The following PTPRD variants were observed in gnomAD, a reference collection of about 807,000 sequenced individuals.
The protein encoded by PTPRD is protein tyrosine phosphatase receptor type D.
In PTPRD, 34 loss-of-function variants were observed where a neutral mutation model predicts 214.5. The ratio of observed to expected loss-of-function variants is 0.16; its 90% CI spans 0.12 to 0.21. The LOEUF is 0.21. Ranked by LOEUF, PTPRD falls within the 10% of genes least tolerant of loss-of-function variation. The pLI is 1.00. For synonymous variants in PTPRD, 1,128 were observed against 845.7 expected, an observed-to-expected ratio of 1.33 and a Z score of -5.79; for missense variants, 2,545 against 2,398.7, an observed-to-expected ratio of 1.06 and a Z score of -1.27.
chr9:10,302,140 C>T (rs1452581506), intron 3 of PTPRD, among the ~76,000 whole-genome samples: 2 of 152,068 alleles, frequency 1.3e-5, no homozygotes, highest in South Asian at 2.1e-4. Context: ...GAATTTTCAA[C>T]CCAGAATTTC....
intron 43 of PTPRD, among the ~76,000 whole-genome samples, chr9:8,335,028 C>T (rs1845209052): frequency 6.6e-6 from 1 of 152,016 alleles, no homozygotes; most frequent in East Asian, 1.9e-4. Context: ...AATAGCCTAG[C>T]AACCAAAAAA....
intron 39 of PTPRD, among the ~76,000 whole-genome samples, chr9:8,356,949 T>C (rs1188732066): frequency 6.6e-6 from 1 of 152,184 alleles, no homozygotes; most frequent in Non-Finnish European, 1.5e-5. Flanking sequence ...CTAAAATATA[T>C]AGATGATGAG....
At chr9:9,536,205 T>C (rs1364730310) in intron 8 of PTPRD, among the ~76,000 whole-genome samples, 1 of 152,026 alleles carries the variant, frequency 6.6e-6, no homozygotes, top group East Asian at 1.9e-4. Flanking sequence ...CATATTTTTG[T>C]ATGTATCTCT....
chr9:9,639,410 T>C (rs1226116162), intron 7 of PTPRD, among the ~76,000 whole-genome samples: 3 of 152,214 alleles, frequency 2.0e-5, no homozygotes, highest in African/African-American at 7.2e-5. Context: ...AGCTTTGGAT[T>C]ATTCTTATTA....
intron 37 of PTPRD, among the ~76,000 whole-genome samples, chr9:8,380,838 C>A (rs556071386): frequency 2.0e-5 from 3 of 152,000 alleles, no homozygotes; most frequent in African/African-American, 7.3e-5. Flanking sequence ...ACTTAATGAG[C>A]GGTAGCCAAC....
At chr9:9,304,875 T>A (rs925799776) in intron 9 of PTPRD, among the ~76,000 whole-genome samples, 40 of 150,330 alleles carry the variant, frequency 2.7e-4, no homozygotes, top group Non-Finnish European at 8.9e-5. Flanking sequence ...CCCTTCTCAA[T>A]AATCTCTCCA....
intron 10 of PTPRD, among the ~76,000 whole-genome samples, chr9:9,127,226 A>T (rs1319014874): frequency 2.0e-5 from 3 of 152,182 alleles, no homozygotes; most frequent in Non-Finnish European, 4.4e-5. Context: ...ATCCACACCA[A>T]CATGGGGAAA....
At chr9:10,397,313 T>G (rs774906514) in intron 2 of PTPRD, among the ~76,000 whole-genome samples, 1 of 152,032 alleles carries the variant, frequency 6.6e-6, no homozygotes, top group Non-Finnish European at 1.5e-5. Context: ...CCGTCAGACA[T>G]TTGTTGTGTC....
intron 39 of PTPRD, among the ~76,000 whole-genome samples, chr9:8,373,332 A>C (rs925615405): frequency 1.3e-5 from 2 of 152,026 alleles, no homozygotes; most frequent in African/African-American, 2.4e-5. Flanking sequence ...AAAACTTCTT[A>C]CCAGACATGT....
At chr9:9,576,395 C>T (rs956631798) in intron 7 of PTPRD, among the ~76,000 whole-genome samples, 6 of 152,102 alleles carry the variant, frequency 3.9e-5, no homozygotes, top group Non-Finnish European at 5.9e-5. Flanking sequence ...TTCCAGTAGA[C>T]CTCCCGGGCT....
At chr9:9,545,986 C>T (rs146948223) in intron 8 of PTPRD, among the ~76,000 whole-genome samples, 19 of 151,810 alleles carry the variant, frequency 1.3e-4, no homozygotes, top group African/African-American at 4.3e-4. Flanking sequence ...CAGTTTCTCA[C>T]ATAGATCTTG....
chr9:10,159,399 A>C (rs2099113524), intron 3 of PTPRD, among the ~76,000 whole-genome samples: 1 of 152,112 alleles, frequency 6.6e-6, no homozygotes, highest in South Asian at 2.1e-4. Context: ...GTCAGGAAAA[A>C]AAAAGCCAGG....
At position 10,293,668 on chromosome 9, in the gene PTPRD, G is replaced by A. The variant is rs1285268317; in HGVS notation, c.-545+47295C>T. ...CCCCTTTCTCCCCATGATGGCAAAAGCTTAAATTATACATCCATTTTCCAA... is the reference window on the plus strand; with the variant it reads ...CCCCTTTCTCCCCATGATGGCAAAAACTTAAATTATACATCCATTTTCCAA... On this transcript the variant is annotated intron_variant, in intron 3 of 45. Coordinates refer to ENST00000381196, the MANE Select transcript of PTPRD (RefSeq NM_002839.4). 1.3e-5 allele frequency among the ~76,000 whole-genome samples: 2 copies of A among 151,870 alleles called. 1 individual carries two copies. The highest frequency in any genetic ancestry group is 4.2e-4 in the South Asian group (2 of 4,818).
chr9:8,967,984 A>C (rs1362388482), intron 11 of PTPRD, among the ~76,000 whole-genome samples: 2 of 151,680 alleles, frequency 1.3e-5, no homozygotes, highest in Non-Finnish European at 2.9e-5. Flanking sequence ...ATTCCTACCT[A>C]TGAGTGAGAA....
chr9:9,866,057 C>G (rs1239567782), intron 5 of PTPRD, among the ~76,000 whole-genome samples: 1 of 152,144 alleles, frequency 6.6e-6, no homozygotes, highest in African/African-American at 2.4e-5. Context: ...TACATATGCA[C>G]TTATAAACAC....
intron 41 of PTPRD, 104 bp downstream of exon 41, chr9:8,340,986 G>T: frequency 1.7e-6 from 2 of 1,211,344 alleles, no homozygotes; most frequent in Non-Finnish European, 2.3e-6. Context: ...GACCTATGCA[G>T]AAAGAAAATG....
At chr9:8,983,805 C>G (rs912918518) in intron 11 of PTPRD, among the ~76,000 whole-genome samples, 1 of 152,002 alleles carries the variant, frequency 6.6e-6, no homozygotes, top group South Asian at 2.1e-4. Flanking sequence ...GCATGAGTGC[C>G]CAGCCAATTT....
chr9:9,787,187 C>T (rs1219858670), intron 5 of PTPRD, among the ~76,000 whole-genome samples: 2 of 150,914 alleles, frequency 1.3e-5, no homozygotes, highest in African/African-American at 4.9e-5. Flanking sequence ...AATTTTATTT[C>T]TCATTTAACT....
In PTPRD at chr9:9,458,425, A is replaced by G. The variant is rs190785407; in HGVS notation, c.-236-60943T>C. Among the ~76,000 whole-genome samples the G allele has an allele frequency of 3.3e-3, 506 of 152,150 alleles. 3 individuals are homozygous for G. Among genetic ancestry groups the G allele is most frequent in the African/African-American group, 0.01 (436 of 41,534 alleles). Reference sequence around the variant, plus strand: ...CAAAAAAAAATTGTAAATGGTTTTGATAGGTTGATTTAAGATTTTATTCTT... The same window carrying G: ...CAAAAAAAAATTGTAAATGGTTTTGGTAGGTTGATTTAAGATTTTATTCTT... On this transcript the variant is annotated intron_variant, in intron 8 of 45. Transcript: ENST00000381196.
Sources: allele counts gnomAD v4.1 joint callset (sites outside exome capture counted in the v4.1 genomes callset), GRCh38; gene constraint gnomAD v4.1.1; transcripts MANE v1.5; gene names NCBI Gene and HGNC (gene_info 2026-07-23, HGNC 2026-07-21).